The following KIAA1958 variants were observed in gnomAD, a reference collection of about 807,000 sequenced individuals.
KIAA1958 encodes the protein uncharacterized protein KIAA1958.
A neutral mutation model predicts 47.2 loss-of-function variants in KIAA1958; 14 were observed. That is an observed-to-expected ratio of 0.30 (90% CI 0.20 to 0.46). The LOEUF (loss-of-function observed/expected upper bound fraction) is 0.46. Among genes scored for constraint, KIAA1958 ranks in the 20% least tolerant of loss-of-function variants. KIAA1958 has a pLI of 1.00. For missense variants in KIAA1958, 803 were observed against 909.2 expected (o/e 0.88, Z 1.50); for synonymous variants, 354 against 353.3 (o/e 1.00, Z -0.02).
chr9:112,588,212 C>A (rs1329485033), intron 2 of KIAA1958, among the ~76,000 whole-genome samples: 3 of 152,176 alleles, frequency 2.0e-5, no homozygotes, highest in African/African-American at 7.2e-5. Context: ...GAACCACTAA[C>A]ACCTTTTATG....
At chr9:112,594,999 T>C (rs1273267725) in intron 2 of KIAA1958, among the ~76,000 whole-genome samples, 3 of 152,192 alleles carry the variant, frequency 2.0e-5, no homozygotes, top group African/African-American at 7.2e-5. Flanking sequence ...TTTATGTGTT[T>C]CTGCTATATT....
chr9:112,545,242 A>G (rs76868277), intron 1 of KIAA1958, among the ~76,000 whole-genome samples: 3,589 of 152,256 alleles, frequency 0.024, 156 homozygotes, highest in African/African-American at 0.08. Flanking sequence ...AACGGTTGTT[A>G]CCTGATGATC....
rs1837252543 is a variant in KIAA1958 at position 112,660,180 on chromosome 9, G to GCGGCTCTCCCCTGGTGTGGCCTGC, written c.*113_*136dup. ...TGACCAGGTGTGACCTCCCGGTCTG[G>GCGGCTCTCCCCTGGTGTGGCCTGC]CGGCTCTCCCCTGGTGTGGCCTGCC... On this transcript the variant is annotated 3_prime_UTR_variant, in exon 4 of 4. Coordinates refer to ENST00000337530, the MANE Select transcript of KIAA1958 (RefSeq NM_133465.4). 1 of 896,320 alleles carries GCGGCTCTCCCCTGGTGTGGCCTGC rather than the reference G, an allele frequency of 1.1e-6. No homozygotes were observed. Among genetic ancestry groups the GCGGCTCTCCCCTGGTGTGGCCTGC allele is most frequent in the African/African-American group, 1.7e-5 (1 of 60,384 alleles). The allele number at this position is 896,320 out of a possible 1,614,324, so 55.5% of individuals were successfully genotyped here. A position where few individuals can be genotyped will look rare whatever the true frequency, so the allele number is the denominator to read the frequency against.
intron 2 of KIAA1958, among the ~76,000 whole-genome samples, chr9:112,605,051 TTTATA>T (rs1217973377): frequency 6.8e-6 from 1 of 147,752 alleles, no homozygotes; most frequent in East Asian, 1.9e-4. Flanking sequence ...TTTTTATATA[TTTATA>T]TTATATATAT....
At chr9:112,493,737 T>A (rs1477503001) in intron 1 of KIAA1958, among the ~76,000 whole-genome samples, 1 of 152,240 alleles carries the variant, frequency 6.6e-6, no homozygotes, top group African/African-American at 2.4e-5. Flanking sequence ...CCCTTGCTTT[T>A]CATATTTAAC....
At chr9:112,545,101 A>G (rs771146987) in intron 1 of KIAA1958, among the ~76,000 whole-genome samples, 7 of 152,170 alleles carry the variant, frequency 4.6e-5, no homozygotes, top group Non-Finnish European at 8.8e-5. Flanking sequence ...TGTGAATTCA[A>G]ACAGAAACTT....
intron 1 of KIAA1958, among the ~76,000 whole-genome samples, chr9:112,543,451 T>C (rs528667065): frequency 6.6e-6 from 1 of 152,260 alleles, no homozygotes; most frequent in East Asian, 1.9e-4. Flanking sequence ...TGCTGACACC[T>C]TGGTTATATG....
intron 2 of KIAA1958, among the ~76,000 whole-genome samples, chr9:112,612,857 A>G (rs1836349229): frequency 6.6e-6 from 1 of 152,220 alleles, no homozygotes; most frequent in Non-Finnish European, 1.5e-5. Context: ...GGATGCAAAT[A>G]ATGGAAATGC....
intron 1 of KIAA1958, among the ~76,000 whole-genome samples, chr9:112,541,876 A>G (rs527716192): frequency 2.6e-5 from 4 of 152,342 alleles, no homozygotes; most frequent in African/African-American, 7.2e-5. Flanking sequence ...CTGGGACATC[A>G]CTGGCATGTG....
chr9:112,547,881 T>C (rs2132833714), intron 1 of KIAA1958, among the ~76,000 whole-genome samples: 1 of 152,312 alleles, frequency 6.6e-6, no homozygotes, highest in South Asian at 2.1e-4. Flanking sequence ...TTATCTGCAT[T>C]ATAAAAACCT....
chr9:112,658,515 G>A (rs749173498), intron 3 of KIAA1958, among the ~76,000 whole-genome samples: 8 of 152,198 alleles, frequency 5.3e-5, no homozygotes, highest in Non-Finnish European at 7.3e-5. Flanking sequence ...AATAATAAGT[G>A]TGTATATATA....
intron 1 of KIAA1958, among the ~76,000 whole-genome samples, chr9:112,529,496 T>C (rs1316834528): frequency 6.6e-6 from 1 of 152,208 alleles, no homozygotes; most frequent in Non-Finnish European, 1.5e-5. Context: ...TTTTTCAGAC[T>C]TTCTTTGTTT....
intron 2 of KIAA1958, among the ~76,000 whole-genome samples, chr9:112,637,813 A>G (rs1836829307): frequency 6.6e-6 from 1 of 152,180 alleles, no homozygotes; most frequent in Non-Finnish European, 1.5e-5. Flanking sequence ...GTTGTGCTGT[A>G]TAAGGTAATT....
chr9:112,516,107 C>T (rs1834429027), intron 1 of KIAA1958, among the ~76,000 whole-genome samples: 1 of 151,962 alleles, frequency 6.6e-6, no homozygotes, highest in South Asian at 2.1e-4. Flanking sequence ...GTGGGATCTG[C>T]AGAAGAAATA....
chr9:112,555,450 C>A (rs950502222), intron 1 of KIAA1958, among the ~76,000 whole-genome samples: 4 of 152,160 alleles, frequency 2.6e-5, no homozygotes, highest in Non-Finnish European at 4.4e-5. Context: ...TCTTGGAAAC[C>A]AAGTGCCTCA....
At chr9:112,510,987 TAGAAC>T (rs955326846) in intron 1 of KIAA1958, among the ~76,000 whole-genome samples, 15 of 151,862 alleles carry the variant, frequency 9.9e-5, no homozygotes, top group Non-Finnish European at 1.5e-4. Flanking sequence ...TTTTTACAGA[TAGAAC>T]AGAGTGATCA....
chr9:112,621,889 A>G (rs942004254), intron 2 of KIAA1958, among the ~76,000 whole-genome samples: 1 of 152,120 alleles, frequency 6.6e-6, no homozygotes, highest in Admixed American at 6.6e-5. Context: ...AGCTGGAACT[A>G]CAAGTGCACA....
rs537517371 is a variant in KIAA1958, at chr9:112,565,072, A to G, written c.-24-8985A>G. On this transcript the variant is annotated intron_variant, in intron 1 of 3. Transcript: ENST00000337530. ...GCAATTATTGTTGTATTATTGTTCT[A>G]CTGAAACCTAATGATTAATTTTGAG... Among the ~76,000 whole-genome samples the G allele has an allele frequency of 1.8e-4, 27 of 152,348 alleles. 1 individual carries two copies. Among genetic ancestry groups the G allele is most frequent in the Admixed American group, 5.2e-4 (8 of 15,302 alleles).
intron 2 of KIAA1958, among the ~76,000 whole-genome samples, chr9:112,644,582 C>CAACTAAGGGTTGTG (rs1554730968): frequency 6.6e-6 from 1 of 151,810 alleles, no homozygotes; most frequent in Non-Finnish European, 1.5e-5. Flanking sequence ...TAAGAAAAGC[C>CAACTAAGGGTTGTG]AGCTAGTTAT....
Sources: gnomAD v4.1 joint callset for allele counts (sites outside exome capture counted in the v4.1 genomes callset) on GRCh38, gnomAD v4.1.1 for gene constraint, MANE v1.5 for transcripts, NCBI Gene and HGNC (gene_info 2026-07-23, HGNC 2026-07-21) for gene names.